PAPSS1: variants seen among roughly 807,000 people sequenced by gnomAD.
PAPSS1 encodes 3'-phosphoadenosine 5'-phosphosulfate synthase 1, also known as bifunctional 3'-phosphoadenosine 5'-phosphosulfate synthase 1.
Under a neutral mutation model 72.0 loss-of-function variants are expected in PAPSS1, and 50 were observed. The observed-to-expected ratio is 0.69, with a 90% CI of 0.55 to 0.88. The LOEUF (loss-of-function observed/expected upper bound fraction) is 0.88, where lower values mean the gene tolerates loss of function less well. PAPSS1 is among the 40% of genes least tolerant of loss of function. The probability of loss-of-function intolerance (pLI) is 0.00; values close to 1 mark genes in which losing one functional copy is unlikely to be tolerated. For synonymous variants in PAPSS1, 261 were observed against 263.6 expected, an observed-to-expected ratio of 0.99 and a Z score of 0.09; for missense variants, 657 against 782.2, an observed-to-expected ratio of 0.84 and a Z score of 1.91.
intron 9 of PAPSS1, among the ~76,000 whole-genome samples, chr4:107,650,012 A>G (rs1726796077): frequency 6.6e-6 from 1 of 152,264 alleles, no homozygotes; most frequent in African/African-American, 2.4e-5. Context: ...TCCCAGCTAC[A>G]GAATGGTCTA....
intron 5 of PAPSS1, among the ~76,000 whole-genome samples, chr4:107,672,618 C>T (rs1358129405): frequency 6.6e-6 from 1 of 152,244 alleles, no homozygotes; most frequent in Non-Finnish European, 1.5e-5. Context: ...GCCTGCCTGC[C>T]TCTGTAGACT....
At chr4:107,687,837 A>G (rs1188279925) in intron 3 of PAPSS1, among the ~76,000 whole-genome samples, 1 of 152,088 alleles carries the variant, frequency 6.6e-6, no homozygotes, top group East Asian at 1.9e-4. Context: ...GCAGTTGCCA[A>G]TATTTTCAAA....
chr4:107,648,188 C>G (rs568520193), intron 9 of PAPSS1, among the ~76,000 whole-genome samples: 1 of 152,326 alleles, frequency 6.6e-6, no homozygotes, highest in South Asian at 2.1e-4. Flanking sequence ...CCCTTTCCTT[C>G]CAGCAGGTAG....
intron 5 of PAPSS1, among the ~76,000 whole-genome samples, chr4:107,672,925 T>A (rs1317380739): frequency 6.6e-6 from 1 of 152,188 alleles, no homozygotes; most frequent in Admixed American, 6.5e-5. Context: ...TTCTGCAGCC[T>A]CCGCTGCTGA....
intron 5 of PAPSS1, among the ~76,000 whole-genome samples, chr4:107,669,551 G>GCAGTGT (rs1727418239): frequency 6.6e-6 from 1 of 152,138 alleles, no homozygotes; most frequent in African/African-American, 2.4e-5. Flanking sequence ...TGCCACATCC[G>GCAGTGT]CAGTGTCCAC....
chr4:107,715,293 A>G (rs901614617), intron 1 of PAPSS1, among the ~76,000 whole-genome samples: 2 of 152,204 alleles, frequency 1.3e-5, no homozygotes, highest in South Asian at 2.1e-4. Flanking sequence ...TATTGCTGTT[A>G]TTGGTAGAAG....
chr4:107,658,843 A>G (rs1727090085), intron 6 of PAPSS1, among the ~76,000 whole-genome samples: 1 of 152,186 alleles, frequency 6.6e-6, no homozygotes, highest in South Asian at 2.1e-4. Context: ...CCTAACCCCA[A>G]TGCTACCATA....
At chr4:107,635,880 TTTCA>T (rs1726364602) in intron 10 of PAPSS1, among the ~76,000 whole-genome samples, 1 of 152,188 alleles carries the variant, frequency 6.6e-6, no homozygotes, top group African/African-American at 2.4e-5. Flanking sequence ...AGCTGTGGTG[TTTCA>T]TGGACTTGGT....
Position 107,634,884 on chromosome 4 carries a change from G to A in PAPSS1, c.1507-3024C>T, listed in dbSNP as rs546191684. Among the ~76,000 whole-genome samples, 39 of 139,090 alleles carry A rather than the reference G, an allele frequency of 2.8e-4. No individual in the cohort carries two copies. The East Asian group carries it at 8.0e-3, about 29-fold the overall frequency. The allele number at this position is 139,090 out of a possible 152,430, so 91.2% of individuals were successfully genotyped here. A position where few individuals can be genotyped will look rare whatever the true frequency, so the allele number is the denominator to read the frequency against. The stretch of plus-strand genomic sequence containing the variant: ...ACGATCTCGGCTCAGTGCAAGCTCC[G>A]CCTCCTGGGTTCACACCATTCTCCT... On this transcript the variant is annotated intron_variant, in intron 10 of 11. Coordinates refer to ENST00000265174, the MANE Select transcript of PAPSS1 (RefSeq NM_005443.5).
intron 4 of PAPSS1, 74 bp from the exon 5 acceptor site, chr4:107,682,207 C>T (rs1722640078): frequency 1.4e-6 from 1 of 740,580 alleles, no homozygotes; most frequent in Admixed American, 2.4e-5. Flanking sequence ...GTGCAGATCT[C>T]TGCTACATTG....
rs181839614 is a variant in PAPSS1, at chr4:107,704,780, G to A, written c.61-3495C>T. ...AGCCAGGCCAATGTGGAGAAACCCCGTCTCTACTAAAAATACAAAAATTAG... is the reference window on the plus strand; with the variant it reads ...AGCCAGGCCAATGTGGAGAAACCCCATCTCTACTAAAAATACAAAAATTAG... On this transcript the variant is annotated intron_variant, in intron 1 of 11. Coordinates refer to ENST00000265174, the MANE Select transcript of PAPSS1 (RefSeq NM_005443.5). Among the ~76,000 whole-genome samples the A allele has an allele frequency of 5.4e-3, 817 of 152,060 alleles. 8 individuals carry two copies. The highest frequency in any genetic ancestry group is 0.018 in the African/African-American group (758 of 41,500).
At chr4:107,669,650 T>C (rs1370137784) in intron 5 of PAPSS1, among the ~76,000 whole-genome samples, 1 of 152,200 alleles carries the variant, frequency 6.6e-6, no homozygotes, top group Non-Finnish European at 1.5e-5. Flanking sequence ...CGTGCTTTCA[T>C]TGGGAAGTGA....
intron 10 of PAPSS1, among the ~76,000 whole-genome samples, chr4:107,642,894 C>T (rs1560569690): frequency 6.6e-6 from 1 of 152,166 alleles, no homozygotes. Flanking sequence ...TCTACTAATG[C>T]TCAACAAATA....
intron 11 of PAPSS1, among the ~76,000 whole-genome samples, chr4:107,618,984 T>C (rs1373007586): frequency 6.6e-6 from 1 of 152,202 alleles, no homozygotes. Flanking sequence ...GGTCCACTTA[T>C]TGGCTCCCTA....
intron 11 of PAPSS1, among the ~76,000 whole-genome samples, chr4:107,617,995 A>G (rs926261210): frequency 1.3e-5 from 2 of 152,198 alleles, no homozygotes; most frequent in African/African-American, 4.8e-5. Context: ...AAAAATAAGC[A>G]AGGCTATGAG....
intron 2 of PAPSS1, among the ~76,000 whole-genome samples, chr4:107,697,381 G>T (rs546365552): frequency 6.6e-6 from 1 of 152,306 alleles, no homozygotes; most frequent in South Asian, 2.1e-4. Context: ...AACAGTAGGT[G>T]GAACAAAGGG....
rs1357685626 is a variant in PAPSS1 at position 107,716,161 on chromosome 4, T to C, written c.60+3959A>G. Among the ~76,000 whole-genome samples, 5 of 151,786 alleles carry C rather than the reference T, an allele frequency of 3.3e-5. No homozygotes were observed. In the East Asian group the frequency reaches 9.7e-4, roughly 29 times the overall value. On this transcript the variant is annotated intron_variant, in intron 1 of 11. Coordinates refer to ENST00000265174, the MANE Select transcript of PAPSS1 (RefSeq NM_005443.5). ...CAGTGTAGATACAAAACATCTATAA[T>C]GAAGTATGATCACAAGATACATAAT...
chr4:107,720,218 C>G lies in PAPSS1; in HGVS notation c.-39G>C. The stretch of plus-strand genomic sequence containing the variant: ...GCTGAGCAGCCGGGGTTCTCTGCGC[C>G]GGGAGGGTAGCAAGAGGAGGGCAGG... On this transcript the variant is annotated 5_prime_UTR_variant, in exon 1 of 12. Coordinates refer to ENST00000265174, the MANE Select transcript of PAPSS1 (RefSeq NM_005443.5). 1 of 1,584,160 alleles carries G rather than the reference C, an allele frequency of 6.3e-7. No individual in the cohort carries two copies.
chr4:107,712,233 G>A (rs2125942205), intron 1 of PAPSS1, among the ~76,000 whole-genome samples: 1 of 152,312 alleles, frequency 6.6e-6, no homozygotes, highest in East Asian at 1.9e-4. Context: ...ATGGGCCTGG[G>A]ACTATCTGTT....
Sources: allele counts gnomAD v4.1 joint callset (sites outside exome capture counted in the v4.1 genomes callset), GRCh38; gene constraint gnomAD v4.1.1; transcripts MANE v1.5; gene names NCBI Gene and HGNC (gene_info 2026-07-23, HGNC 2026-07-21).